Variants in HLA-F observed in about 807,000 individuals in gnomAD.
The protein encoded by HLA-F is major histocompatibility complex, class I, F, also known as HLA class I histocompatibility antigen, alpha chain F.
A neutral mutation model predicts 49.5 loss-of-function variants in HLA-F; 46 were observed. The observed-to-expected ratio is 0.93, with a 90% CI of 0.73 to 1.19. The LOEUF (loss-of-function observed/expected upper bound fraction) is 1.19. Among genes scored for constraint, HLA-F ranks in the 50% most tolerant of loss-of-function variants. The probability of loss-of-function intolerance (pLI) is 0.00; values close to 1 mark genes in which losing one functional copy is unlikely to be tolerated. For missense variants in HLA-F, 496 were observed against 579.6 expected (o/e 0.86, Z 1.48); for synonymous variants, 203 against 233.5 (o/e 0.87, Z 1.19).
rs572387597 is a variant in HLA-F at position 29,724,566 on chromosome 6, T to C, written c.610+118T>C. 3.8e-6 allele frequency: 4 copies of C among 1,043,620 alleles called. No homozygotes were observed. The African/African-American group carries it at 4.8e-5, about 13-fold the overall frequency. The allele number at this position is 1,043,620 out of a possible 1,614,324, so 64.6% of individuals were successfully genotyped here. ...ATATCGCCCTCCCTCTAGTCCTGAG[T>C]AGGAAGAATCTTCCTGGCTTTCGAG... is the stretch of plus-strand genomic sequence containing the variant. On this transcript the variant is annotated intron_variant, in intron 3 of 6. Transcript: ENST00000259951.
At chr6:29,725,920 A>G in intron 5 of HLA-F, 91 bp from the exon 6 acceptor site, 1 of 1,405,744 alleles carries the variant, frequency 7.1e-7, no homozygotes, top group Non-Finnish European at 1.0e-6. Context: ...TTTTCTGGAA[A>G]CTTCTCTGGG....
chr6:29,733,766 G>T lies in HLA-F; in HGVS notation c.404-4356G>T, dbSNP rs114677492. The stretch of plus-strand genomic sequence containing the variant: ...GAAAAATATTCTTCCTCCACTCCAT[G>T]ACTCATCCTTTGGTTACAGCGTTTA... On this transcript the variant is annotated intron_variant, in intron 3 of 4. Coordinates refer to the HLA-F transcript ENST00000465459. 4.0e-3 allele frequency among the ~76,000 whole-genome samples: 615 copies of T among 152,272 alleles called. 6 individuals are homozygous for T. The highest frequency in any genetic ancestry group is 0.013 in the African/African-American group (536 of 41,542).
At chr6:29,732,889 T>C (rs1776745320) in intron 3 of HLA-F, among the ~76,000 whole-genome samples, 1 of 151,956 alleles carries the variant, frequency 6.6e-6, no homozygotes, top group African/African-American at 2.4e-5. Flanking sequence ...AATATATACA[T>C]AGAGAACAAC....
chr6:29,731,227 G>GGATGGATAGATA (rs1212859904), downstream of HLA-F, among the ~76,000 whole-genome samples: 235 of 131,342 alleles, frequency 1.8e-3, no homozygotes, highest in Non-Finnish European at 2.3e-3. Flanking sequence ...TAGAGTAGAT[G>GGATGGATAGATA]GATACATAGA....
chr6:29,735,351 G>GTGTGTA (rs1554230958), intron 3 of HLA-F: 4 of 113,954 alleles, frequency 3.5e-5, no homozygotes, highest in Admixed American at 2.7e-4. Context: ...GTATATATAT[G>GTGTGTA]TATATATATG....
intron 3 of HLA-F, chr6:29,734,975 T>C (rs1008772646): frequency 6.6e-6 from 1 of 152,216 alleles, no homozygotes; most frequent in Non-Finnish European, 1.5e-5. Context: ...TTCAGCAATG[T>C]TGTAGCATGT....
intron 2 of HLA-F, 85 bp from the exon 3 acceptor site, chr6:29,724,087 AT>A (rs764680373): frequency 6.4e-7 from 1 of 1,571,866 alleles, no homozygotes; most frequent in Non-Finnish European, 8.6e-7. Context: ...ACCCAGGTTC[AT>A]TTTCAGTTTA....
chr6:29,727,903 T>C (rs1776257983), downstream of HLA-F: 1 of 505,688 alleles, frequency 2.0e-6, no homozygotes, highest in Non-Finnish European at 3.9e-6. Flanking sequence ...CCTTCCTGTC[T>C]TCTCCAGCCC....
intron 3 of HLA-F, chr6:29,737,648 T>C (rs948534760): frequency 6.6e-6 from 1 of 152,198 alleles, no homozygotes; most frequent in Non-Finnish European, 1.5e-5. Context: ...TCTTTTATCT[T>C]TTATGGTACC....
downstream of HLA-F, among the ~76,000 whole-genome samples, chr6:29,729,701 T>A (rs546345809): frequency 6.1e-4 from 93 of 151,936 alleles, no homozygotes; most frequent in South Asian, 1.7e-3. Context: ...ATTAAGAGAG[T>A]TAAAAGAAAA....
intron 6 of HLA-F, 49 bp downstream of exon 6, chr6:29,726,092 G>A (rs946018456): frequency 1.3e-6 from 2 of 1,580,572 alleles, no homozygotes; most frequent in South Asian, 1.1e-5. Flanking sequence ...ATTGTGGTCA[G>A]GAGCCTATGA....
At chr6:29,733,201 G>A (rs2735053) in intron 3 of HLA-F, among the ~76,000 whole-genome samples, 84,792 of 151,610 alleles carry the variant, frequency 0.56, 23,886 homozygotes, top group East Asian at 0.72. Context: ...AAACAAAAAC[G>A]AAAACAAAAA....
chr6:29,736,307 G>A (rs568969846), intron 3 of HLA-F: 1 of 401,764 alleles, frequency 2.5e-6, no homozygotes, highest in African/African-American at 2.1e-5. Context: ...CTGTTCTTGC[G>A]TTAGCTCCCA....
chr6:29,724,555 C>A, intron 3 of HLA-F, 107 bp downstream of exon 3: 1 of 1,169,372 alleles, frequency 8.6e-7, no homozygotes, highest in Non-Finnish European at 1.2e-6. Flanking sequence ...CGCCCTCCCT[C>A]TAGTCCTGAG....
intron 6 of HLA-F, chr6:29,726,482 A>G (rs1457806912): frequency 1.9e-6 from 3 of 1,583,368 alleles, no homozygotes; most frequent in East Asian, 4.5e-5. Flanking sequence ...ACGAACATAC[A>G]TAAATTTTAA....
At chr6:29,729,694 A>C (rs1374385732), downstream of HLA-F, among the ~76,000 whole-genome samples, 1 of 152,234 alleles carries the variant, frequency 6.6e-6, no homozygotes, top group Non-Finnish European at 1.5e-5. Flanking sequence ...GGACACTATT[A>C]AGAGAGTTAA....
chr6:29,724,488 T>A, intron 3 of HLA-F, 40 bp downstream of exon 3: 2 of 1,601,352 alleles, frequency 1.2e-6, no homozygotes, highest in Non-Finnish European at 1.7e-6. Flanking sequence ...CTCCTGTAGA[T>A]CTCTTGGGAT....
At position 29,723,626 on chromosome 6, in the gene HLA-F, T is replaced by C. The variant is rs1172400511; in HGVS notation, c.65-32T>C. Reference sequence around the variant, plus strand: ...TCAGGGAGCCGCCTCCGGAGGAGGGTCTGGCGGGTCTCAGCCCCTCCTCGC... The same window carrying C: ...TCAGGGAGCCGCCTCCGGAGGAGGGCCTGGCGGGTCTCAGCCCCTCCTCGC... On this transcript the variant is annotated intron_variant, in intron 1 of 6. Coordinates refer to ENST00000259951, the MANE Select transcript of HLA-F (RefSeq NM_001098479.2). 3 of 1,602,080 alleles carry C rather than the reference T, an allele frequency of 1.9e-6. No homozygotes were observed. In the African/African-American group the frequency reaches 4.1e-5, roughly 22 times the overall value.
intron 1 of HLA-F, 27 bp from the exon 2 acceptor site, chr6:29,723,631 C>T (rs1285134171): frequency 1.0e-5 from 16 of 1,603,874 alleles, no homozygotes; most frequent in Non-Finnish European, 1.4e-5. Flanking sequence ...GAGGGTCTGG[C>T]GGGTCTCAGC....
Sources: allele counts gnomAD v4.1 joint callset (sites outside exome capture counted in the v4.1 genomes callset), GRCh38; gene constraint gnomAD v4.1.1; transcripts MANE v1.5; gene names NCBI Gene and HGNC (gene_info 2026-07-23, HGNC 2026-07-21).